SHISA9: variants seen among roughly 807,000 people sequenced by gnomAD.
SHISA9 encodes the protein protein shisa-9.
A neutral mutation model predicts 38.0 loss-of-function variants in SHISA9; 13 were observed. That is an observed-to-expected ratio of 0.34 (90% CI 0.22 to 0.54). SHISA9 has a LOEUF of 0.54. Ranked by LOEUF, SHISA9 falls within the 20% of genes least tolerant of loss-of-function variation. The probability of loss-of-function intolerance (pLI) is 0.91; values close to 1 mark genes in which losing one functional copy is unlikely to be tolerated. For synonymous variants in SHISA9, 275 were observed against 242.0 expected (o/e 1.14, Z -1.27); for missense variants, 538 against 575.8 (o/e 0.93, Z 0.67).
the SHISA9 span, among the ~76,000 whole-genome samples, chr16:13,308,683 A>C: frequency 6.6e-6 from 1 of 152,204 alleles, no homozygotes; most frequent in African/African-American, 2.4e-5. Flanking sequence ...ACTCAATACA[A>C]GACATAACTT....
At chr16:13,055,631 AC>A (rs1250136239) in intron 2 of SHISA9, among the ~76,000 whole-genome samples, 2 of 152,168 alleles carry the variant, frequency 1.3e-5, no homozygotes, top group East Asian at 3.9e-4. Context: ...ACTCTGAATT[AC>A]AAGAGCTGAG....
chr16:13,221,220 G>A (rs1288120105), intron 4 of SHISA9, among the ~76,000 whole-genome samples: 1 of 152,138 alleles, frequency 6.6e-6, no homozygotes, highest in African/African-American at 2.4e-5. Context: ...TTCATGTGCA[G>A]CCTCCGCTAC....
chr16:13,069,057 ATATG>A (rs2073472121), intron 2 of SHISA9, among the ~76,000 whole-genome samples: 3 of 151,862 alleles, frequency 2.0e-5, no homozygotes, highest in South Asian at 4.2e-4. Context: ...TGCAATGTGT[ATATG>A]TATGTGTGTA....
chr16:13,078,039 G>C (rs571011317), intron 2 of SHISA9, among the ~76,000 whole-genome samples: 2 of 152,276 alleles, frequency 1.3e-5, no homozygotes, highest in South Asian at 4.1e-4. Context: ...AAACCACAGT[G>C]ATAATAATAA....
At chr16:13,311,074 G>C in the SHISA9 span, among the ~76,000 whole-genome samples, 1 of 152,048 alleles carries the variant, frequency 6.6e-6, no homozygotes, top group Non-Finnish European at 1.5e-5. Flanking sequence ...TAAAACCCAA[G>C]AGTGAGAATG....
At chr16:13,504,429 T>C in the SHISA9 span, among the ~76,000 whole-genome samples, 4 of 152,124 alleles carry the variant, frequency 2.6e-5, no homozygotes, top group Admixed American at 2.0e-4. Context: ...CCAGCATTGC[T>C]CAAGCTCCTG....
the SHISA9 span, among the ~76,000 whole-genome samples, chr16:13,254,271 T>C: frequency 1.3e-5 from 2 of 152,176 alleles, no homozygotes; most frequent in Non-Finnish European, 2.9e-5. Flanking sequence ...CAGCTAGAAA[T>C]TGGCAGAACT....
At chr16:13,450,662 A>G in the SHISA9 span, among the ~76,000 whole-genome samples, 2 of 152,230 alleles carry the variant, frequency 1.3e-5, no homozygotes, top group East Asian at 1.9e-4. Flanking sequence ...ATTATCTCCA[A>G]TTTTACAAGA....
the SHISA9 span, among the ~76,000 whole-genome samples, chr16:13,523,381 C>T: frequency 1.3e-5 from 2 of 152,044 alleles, no homozygotes; most frequent in Non-Finnish European, 2.9e-5. Context: ...TGATGGAAGA[C>T]CCAAAGAGAC....
the SHISA9 span, among the ~76,000 whole-genome samples, chr16:13,448,725 C>A: frequency 5.9e-5 from 9 of 152,232 alleles, no homozygotes; most frequent in Non-Finnish European, 1.3e-4. Flanking sequence ...CAGTATTATT[C>A]TTCAGAGTGA....
intron 2 of SHISA9, among the ~76,000 whole-genome samples, chr16:13,149,286 C>T (rs1363931217): frequency 6.6e-6 from 1 of 152,140 alleles, no homozygotes; most frequent in African/African-American, 2.4e-5. Context: ...GGCTGATGTC[C>T]TGAGCCTGGC....
intron 2 of SHISA9, among the ~76,000 whole-genome samples, chr16:13,095,138 G>A (rs540262882): frequency 1.1e-4 from 16 of 152,314 alleles, no homozygotes; most frequent in African/African-American, 3.6e-4. Context: ...CTGAGCAATC[G>A]TTGTTCCTGG....
chr16:13,263,756 C>T, the SHISA9 span, among the ~76,000 whole-genome samples: 1 of 152,060 alleles, frequency 6.6e-6, no homozygotes, highest in Non-Finnish European at 1.5e-5. Flanking sequence ...TACCAATTTC[C>T]TGGGTTTTAT....
intron 2 of SHISA9, among the ~76,000 whole-genome samples, chr16:12,961,081 G>A (rs1030150068): frequency 6.6e-6 from 1 of 152,136 alleles, no homozygotes; most frequent in Non-Finnish European, 1.5e-5. Flanking sequence ...GGGGTCAGGG[G>A]TCAGGGGACG....
intron 2 of SHISA9, among the ~76,000 whole-genome samples, chr16:12,941,398 G>C (rs935402226): frequency 2.0e-5 from 3 of 152,228 alleles, no homozygotes; most frequent in African/African-American, 7.2e-5. Flanking sequence ...ATACATAATA[G>C]TTGCATATAT....
chr16:12,943,594 A>C (rs1036980335), intron 2 of SHISA9, among the ~76,000 whole-genome samples: 1 of 152,304 alleles, frequency 6.6e-6, no homozygotes, highest in South Asian at 2.1e-4. Context: ...AAGTGAATGC[A>C]TCTCTCCTTA....
At chr16:13,118,653 C>G (rs186938805) in intron 2 of SHISA9, among the ~76,000 whole-genome samples, 117 of 152,226 alleles carry the variant, frequency 7.7e-4, no homozygotes, top group African/African-American at 2.7e-3. Flanking sequence ...CGATGGTGAC[C>G]ACACCTTGAG....
At chr16:13,435,782 C>G in the SHISA9 span, among the ~76,000 whole-genome samples, 1 of 152,184 alleles carries the variant, frequency 6.6e-6, no homozygotes, top group South Asian at 2.1e-4. Context: ...CTCAAATCCT[C>G]TCCCTGAACA....
At chr16:13,412,982 GGAAT>G in the SHISA9 span, among the ~76,000 whole-genome samples, 25 of 151,528 alleles carry the variant, frequency 1.6e-4, no homozygotes, top group Non-Finnish European at 2.8e-4. Context: ...AATAAATAAA[GGAAT>G]GAATGAATGA....
Sources: gnomAD v4.1 joint callset for allele counts (sites outside exome capture counted in the v4.1 genomes callset) on GRCh38, gnomAD v4.1.1 for gene constraint, MANE v1.5 for transcripts, NCBI Gene and HGNC (gene_info 2026-07-23, HGNC 2026-07-21) for gene names.